The following GREM2 variants were observed in gnomAD, a reference collection of about 807,000 sequenced individuals.
GREM2 encodes the protein gremlin 2, DAN family BMP antagonist, also known as gremlin-2.
A neutral mutation model predicts 14.2 loss-of-function variants in GREM2; 11 were observed. That is an observed-to-expected ratio of 0.78 (90% CI 0.49 to 1.28). The LOEUF (loss-of-function observed/expected upper bound fraction) is 1.28, where lower values mean the gene tolerates loss of function less well. Ranked by LOEUF, GREM2 falls within the 50% of genes most tolerant of loss-of-function variation. GREM2 has a pLI of 0.00. For synonymous variants in GREM2, 98 were observed against 97.6 expected, an observed-to-expected ratio of 1.00 and a Z score of -0.02; for missense variants, 210 against 218.5, an observed-to-expected ratio of 0.96 and a Z score of 0.24.
Position 240,552,956 on chromosome 1 carries a change from C to T in GREM2, c.-2+58928G>A, listed in dbSNP as rs192749577. Among the ~76,000 whole-genome samples the T allele has an allele frequency of 6.4e-3, 400 of 62,422 alleles. 1 individual carries two copies. The highest frequency in any genetic ancestry group is 0.026 in the African/African-American group (361 of 14,052). 41.0% of individuals were successfully genotyped at this position (62,422 alleles called of 152,430 possible). On this transcript the variant is annotated intron_variant, in intron 1 of 1. Transcript: ENST00000318160. ...TTAATCTCATTTTAAGCCTTTCATC[C>T]CCTTTCTTTTACATTACTTGCCTGA...
intron 1 of GREM2, among the ~76,000 whole-genome samples, chr1:240,582,521 C>A (rs1050510282): frequency 6.6e-6 from 1 of 152,020 alleles, no homozygotes; most frequent in African/African-American, 2.4e-5. Flanking sequence ...GTTGACCTGG[C>A]CTGGTGGCTC....
chr1:240,581,537 A>T (rs1179625477), intron 1 of GREM2, among the ~76,000 whole-genome samples: 1 of 152,214 alleles, frequency 6.6e-6, no homozygotes, highest in Non-Finnish European at 1.5e-5. Flanking sequence ...TTTTATAACA[A>T]AGTCATTAAA....
intron 1 of GREM2, among the ~76,000 whole-genome samples, chr1:240,563,993 T>C (rs1216847460): frequency 2.0e-5 from 3 of 152,126 alleles, no homozygotes; most frequent in African/African-American, 7.2e-5. Flanking sequence ...AAGGATCACT[T>C]GAGCCCAGGA....
chr1:240,578,284 C>T (rs1679410310), intron 1 of GREM2, among the ~76,000 whole-genome samples: 1 of 151,986 alleles, frequency 6.6e-6, no homozygotes, highest in Non-Finnish European at 1.5e-5. Flanking sequence ...TGCCACCATG[C>T]CTGGCTACTT....
chr1:240,563,810 T>C (rs753131624), intron 1 of GREM2, among the ~76,000 whole-genome samples: 29 of 152,198 alleles, frequency 1.9e-4, no homozygotes, highest in Non-Finnish European at 3.4e-4. Context: ...CCTGGTTAAA[T>C]AAAACCTATA....
At chr1:240,525,170 GAC>G (rs921109490) in intron 1 of GREM2, among the ~76,000 whole-genome samples, 1 of 152,176 alleles carries the variant, frequency 6.6e-6, no homozygotes, top group African/African-American at 2.4e-5. Context: ...ATTTCCCAAT[GAC>G]ACACTTACTG....
chr1:240,510,238 CG>C (rs1387407551), intron 1 of GREM2, among the ~76,000 whole-genome samples: 3 of 151,600 alleles, frequency 2.0e-5, no homozygotes, highest in Non-Finnish European at 4.4e-5. Context: ...GGCGTGGTGG[CG>C]GGCGCCTGTA....
intron 1 of GREM2, among the ~76,000 whole-genome samples, chr1:240,528,029 C>A (rs1013017109): frequency 1.3e-5 from 2 of 152,008 alleles, no homozygotes; most frequent in African/African-American, 4.8e-5. Context: ...TTAAAAAACA[C>A]AATACTTATA....
chr1:240,583,757 A>G (rs1009775648), intron 1 of GREM2, among the ~76,000 whole-genome samples: 2 of 152,020 alleles, frequency 1.3e-5, no homozygotes, highest in Non-Finnish European at 2.9e-5. Context: ...ATGCGCCACC[A>G]TGCCCAGCTA....
intron 1 of GREM2, among the ~76,000 whole-genome samples, chr1:240,532,227 G>A (rs936726625): frequency 6.6e-6 from 1 of 152,014 alleles, no homozygotes; most frequent in Non-Finnish European, 1.5e-5. Flanking sequence ...GGGATTATAG[G>A]TGCACGCCAC....
intron 1 of GREM2, among the ~76,000 whole-genome samples, chr1:240,518,037 A>C (rs16840285): frequency 0.11 from 16,872 of 152,224 alleles, 1,051 homozygotes; most frequent in East Asian, 0.26. Flanking sequence ...AGCTTTCAAC[A>C]GCCCGAATCC....
chr1:240,509,420 G>A (rs1409907374), intron 1 of GREM2, among the ~76,000 whole-genome samples: 1 of 145,380 alleles, frequency 6.9e-6, no homozygotes, highest in Non-Finnish European at 1.5e-5. Context: ...CCAGGCTGGA[G>A]TGCAATGGCA....
At chr1:240,496,061 C>A (rs1677406061) in intron 1 of GREM2, among the ~76,000 whole-genome samples, 1 of 152,044 alleles carries the variant, frequency 6.6e-6, no homozygotes, top group Admixed American at 6.6e-5. Context: ...CTCAGCCTCC[C>A]AAGTAGCTGA....
At chr1:240,514,839 G>A (rs749063756) in intron 1 of GREM2, among the ~76,000 whole-genome samples, 5 of 152,146 alleles carry the variant, frequency 3.3e-5, no homozygotes, top group Non-Finnish European at 7.4e-5. Flanking sequence ...GATCGAGGCT[G>A]CAATGAGCTC....
intron 1 of GREM2, among the ~76,000 whole-genome samples, chr1:240,510,270 T>G (rs1398796438): frequency 7.1e-6 from 1 of 140,902 alleles, no homozygotes; most frequent in Admixed American, 7.9e-5. Context: ...GTCGGGAGGC[T>G]GAGGCAGGAG....
chr1:240,604,306 C>CATATGTGT (rs1553280798), intron 1 of GREM2, among the ~76,000 whole-genome samples: 1 of 117,312 alleles, frequency 8.5e-6, no homozygotes, highest in Non-Finnish European at 1.7e-5. Flanking sequence ...TATAACTATA[C>CATATGTGT]GTATGTGTGT....
At chr1:240,504,473 A>T (rs988550677) in intron 1 of GREM2, among the ~76,000 whole-genome samples, 1 of 152,090 alleles carries the variant, frequency 6.6e-6, no homozygotes, top group African/African-American at 2.4e-5. Context: ...CTTCCACGAG[A>T]TCTGTTGAGG....
Position 240,567,893 on chromosome 1 carries a change from G to C in GREM2, c.-2+43991C>G, listed in dbSNP as rs572375060. Among the ~76,000 whole-genome samples the C allele has an allele frequency of 2.0e-5, 3 of 152,182 alleles. No homozygotes were observed. In the South Asian group the frequency reaches 6.2e-4, roughly 32 times the overall value. ...GGAGGTTGAGGCAGGCAGATCACTT[G>C]AGGCCAGGAGTTTGAGACCAGCCTG... On this transcript the variant is annotated intron_variant, in intron 1 of 1. Transcript: ENST00000318160.
Position 240,542,474 on chromosome 1 carries a change from G to A in GREM2, c.-1-48998C>T, listed in dbSNP as rs1329060573. Among the ~76,000 whole-genome samples, 1 of 151,288 alleles carries A rather than the reference G, an allele frequency of 6.6e-6. No homozygotes were observed. The highest frequency in any genetic ancestry group is 1.5e-5 in the Non-Finnish European group (1 of 67,864). On this transcript the variant is annotated intron_variant, in intron 1 of 1. Coordinates refer to ENST00000318160, the MANE Select transcript of GREM2 (RefSeq NM_022469.4). The surrounding 1 kb of genome is among the most constrained non-coding windows in gnomAD (Gnocchi z 4.1). ...AAAAAAAAAAAAAAAAATTAGCTGG[G>A]TGTGGTGGTGCGCACCTGTAGTCCC...
Sources: allele counts gnomAD v4.1 joint callset (sites outside exome capture counted in the v4.1 genomes callset), GRCh38; gene constraint gnomAD v4.1.1; non-coding constraint Gnocchi (gnomAD v3.1); transcripts MANE v1.5; gene names NCBI Gene and HGNC (gene_info 2026-07-23, HGNC 2026-07-21).